Variants in RTEL1 observed in about 807,000 individuals in gnomAD.
RTEL1 encodes the protein regulator of telomere length.
In RTEL1, 86 loss-of-function variants were observed where a neutral mutation model predicts 162.2. The observed-to-expected ratio is 0.53, with a 90% CI of 0.45 to 0.63. RTEL1 has a LOEUF of 0.63. Among genes scored for constraint, RTEL1 ranks in the 30% least tolerant of loss-of-function variants. RTEL1 has a pLI of 0.00. For missense variants in RTEL1, 1,941 were observed against 1,750.2 expected (o/e 1.11, Z -1.95); for synonymous variants, 958 against 717.9 (o/e 1.33, Z -5.35).
rs2090043146 is a variant in RTEL1 at position 63,662,624 on chromosome 20, A to G, written c.474A>G (p.Leu158=). 1 of 1,613,940 alleles carries G rather than the reference A, an allele frequency of 6.2e-7. No individual in the cohort carries two copies. Among genetic ancestry groups the G allele is most frequent in the Non-Finnish European group, 8.5e-7 (1 of 1,179,976 alleles). ...PEVKKQESNH[L]QIHLCRKKVA... ...TGAAGAAACAAGAGAGTAACCATCT[A>G]CAGGTAGGCTCCTGGGCTCCCGCTC... is the stretch of plus-strand genomic sequence containing the variant. Residue 158 remains leucine (L), a synonymous_variant, in exon 5 of 35, where the codon CTA becomes CTG. Coordinates refer to ENST00000360203, the MANE Select transcript of RTEL1 (RefSeq NM_001283009.2).
At chr20:63,675,905 C>T (rs1016563045) in intron 10 of RTEL1, among the ~76,000 whole-genome samples, 2 of 152,290 alleles carry the variant, frequency 1.3e-5, no homozygotes, top group African/African-American at 2.4e-5. Flanking sequence ...AAACATCCAC[C>T]CACCCCCAGG....
chr20:63,696,174 A>C lies in RTEL1; in HGVS notation c.*316A>C, dbSNP rs2145483966. On this transcript the variant is annotated 3_prime_UTR_variant, in exon 35 of 35. Transcript: ENST00000360203. ...GCTGAGCCCCTCACCGGGAAGGAGG[A>C]GACCCCCGTGGGCACGTGTCCACTT... is the stretch of plus-strand genomic sequence containing the variant. 1 of 464,944 alleles carries C rather than the reference A, an allele frequency of 2.2e-6. No homozygotes were observed. The highest frequency in any genetic ancestry group is 3.4e-5 in the South Asian group (1 of 29,620). 28.8% of individuals were successfully genotyped at this position (464,944 alleles called of 1,614,324 possible). A position where few individuals can be genotyped will look rare whatever the true frequency, so the allele number is the denominator to read the frequency against.
intron 16 of RTEL1, chr20:63,687,407 T>A: frequency 1.9e-6 from 1 of 531,052 alleles, no homozygotes; most frequent in Non-Finnish European, 3.3e-6. Flanking sequence ...CTGCCTGGGG[T>A]CTGCCTCCTA....
rs565722682 is a variant in RTEL1 at position 63,661,804 on chromosome 20, C to A, written c.302-46C>A. On this transcript the variant is annotated intron_variant, in intron 3 of 34. Coordinates refer to ENST00000360203, the MANE Select transcript of RTEL1 (RefSeq NM_001283009.2). This position sits in a 1 kb window ranked among gnomAD's most constrained non-coding sequence, Gnocchi z 5.1. Reference sequence around the variant, plus strand: ...GCCACCTGCCTTTGATACGTGAGAACGTTGTCTGAGAACCGTGACTTCTGT... The same window carrying A: ...GCCACCTGCCTTTGATACGTGAGAAAGTTGTCTGAGAACCGTGACTTCTGT... 4 of 1,541,992 alleles carry A rather than the reference C, an allele frequency of 2.6e-6. No homozygotes were observed. The highest frequency in any genetic ancestry group is 1.4e-5 in the African/African-American group (1 of 73,448).
At position 63,670,492 on chromosome 20, in the gene RTEL1, C is replaced by T. The variant is rs141357621; in HGVS notation, c.700-2064C>T. On this transcript the variant is annotated intron_variant, in intron 8 of 34. Transcript: ENST00000360203. Reference sequence around the variant, plus strand: ...GAGCACATGGAAAGTCGCCCAGCATCTCCAGTCATAGGAGAAGGCAGATTA... The same window carrying T: ...GAGCACATGGAAAGTCGCCCAGCATTTCCAGTCATAGGAGAAGGCAGATTA... Among the ~76,000 whole-genome samples, 68 of 148,928 alleles carry T rather than the reference C, an allele frequency of 4.6e-4. 4 individuals carry two copies. Among genetic ancestry groups the T allele is most frequent in the Admixed American group, 3.5e-3 (45 of 12,836 alleles).
In RTEL1 at chr20:63,664,776, G is replaced by A. The variant is rs6122140; in HGVS notation, c.539-1228G>A. Among the ~76,000 whole-genome samples, 188 of 152,332 alleles carry A rather than the reference G, an allele frequency of 1.2e-3. 3 individuals are homozygous for A. In the East Asian group the frequency reaches 0.034, roughly 27 times the overall value. On this transcript the variant is annotated intron_variant, in intron 6 of 34. Transcript: ENST00000360203. ...AGGGGTCTGAGAGGAAGGGAGGCAG[G>A]TATTTTGGGCGAATGAGGAGACAGC... is the stretch of plus-strand genomic sequence containing the variant.
chr20:63,685,086 C>T (rs1298134346), intron 14 of RTEL1, among the ~76,000 whole-genome samples: 1 of 148,674 alleles, frequency 6.7e-6, no homozygotes, highest in South Asian at 2.1e-4. Context: ...TGGGGTTGCA[C>T]CATGTTGCCC....
At chr20:63,684,275 T>C (rs971745991) in intron 14 of RTEL1, among the ~76,000 whole-genome samples, 9 of 152,160 alleles carry the variant, frequency 5.9e-5, no homozygotes, top group Admixed American at 2.0e-4. Context: ...CCAACTCCAC[T>C]GGGCACCTGC....
chr20:63,664,739 T>C (rs2090091152), intron 6 of RTEL1, among the ~76,000 whole-genome samples: 1 of 152,198 alleles, frequency 6.6e-6, no homozygotes. Context: ...CAGAGTGGGC[T>C]GCAGCTCCTG....
rs1262673859 is a variant in RTEL1 at position 63,659,469 on chromosome 20, G to A, written c.67G>A (p.Glu23Lys). 4 of 1,614,154 alleles carry A rather than the reference G, an allele frequency of 2.5e-6. No homozygotes were observed. The highest frequency in any genetic ancestry group is 1.1e-5 in the South Asian group (1 of 91,086). ...TTTCCAGCCCTACAAATGCCAACAG[G>A]AGTACATGACCAAGGTCCTGGAATG... ...FPFQPYKCQQ[E>K]YMTKVLECLQ... Residue 23 changes from glutamate (E) to lysine (K), a missense_variant, in exon 2 of 35, where the codon GAG becomes AAG. Glu to Lys is a moderately conservative substitution (Grantham distance 56). Transcript: ENST00000360203.
rs1057067298 is a variant in RTEL1 at position 63,665,871 on chromosome 20, G to A, written c.539-133G>A. The A allele has an allele frequency of 2.8e-5, 20 of 707,288 alleles. No individual in the cohort carries two copies. The Admixed American group carries it at 4.0e-4, about 14-fold the overall frequency. The allele number at this position is 707,288 out of a possible 1,614,324, so 43.8% of individuals were successfully genotyped here. A position where few individuals can be genotyped will look rare whatever the true frequency, so the allele number is the denominator to read the frequency against. ...TGAGACCCTCAGTGGGTGCTTTGTG[G>A]CGCGTTCACGGTTGGTGGGGGACGC... On this transcript the variant is annotated intron_variant, in intron 6 of 34. Coordinates refer to ENST00000360203, the MANE Select transcript of RTEL1 (RefSeq NM_001283009.2).
rs898321368 is a variant in RTEL1 at position 63,672,753 on chromosome 20, CA to C, written c.765+133del. ...GGTGCCCAGGACTGGGGACTGAGCACACCAGGAGCTTCTGCCACCCCCTCCC... is the reference window on the plus strand; with the variant it reads ...GGTGCCCAGGACTGGGGACTGAGCACCCAGGAGCTTCTGCCACCCCCTCCC... On this transcript the variant is annotated intron_variant, in intron 9 of 34. Transcript: ENST00000360203. 5 of 742,828 alleles carry C rather than the reference CA, an allele frequency of 6.7e-6. No homozygotes were observed. In the African/African-American group the frequency reaches 8.7e-5, roughly 13 times the overall value. 46.0% of individuals were successfully genotyped at this position (742,828 alleles called of 1,614,324 possible).
chr20:63,686,262 A>AG, intron 16 of RTEL1: 1 of 286,902 alleles, frequency 3.5e-6, no homozygotes, highest in Non-Finnish European at 6.8e-6. Context: ...TCACATCTGA[A>AG]GGGGGCCCGG....
rs2090266105 is a variant in RTEL1, at chr20:63,672,567, A to G, written c.711A>G (p.Ala237=). ...TCTTCCTCCTGTAGAGCCGCAGAGC[A>G]CACAACATTGACCTGAAGGGGACAG... ...NYLLDAKSRR[A]HNIDLKGTVV... The change falls in exon 9 of 35, where the codon GCA becomes GCG. Residue 237 remains alanine, a synonymous_variant. Transcript: ENST00000360203. 5 of 1,582,998 alleles carry G rather than the reference A, an allele frequency of 3.2e-6. No homozygotes were observed. The highest frequency in any genetic ancestry group is 2.3e-5 in the East Asian group (1 of 44,044).
Position 63,689,651 on chromosome 20 carries a change from G to A in RTEL1, c.2025+3G>A. ...GCCAGGGTGGGGCTGGGGGCCAGGT[G>A]AGTTACAGCAGGGTGGGGCTGGGGT... On this transcript the variant is annotated splice_donor_region_variant and intron_variant, in intron 23 of 34. Coordinates refer to ENST00000360203, the MANE Select transcript of RTEL1 (RefSeq NM_001283009.2). 1 of 1,608,136 alleles carries A rather than the reference G, an allele frequency of 6.2e-7. No individual in the cohort carries two copies. Among genetic ancestry groups the A allele is most frequent in the Non-Finnish European group, 8.5e-7 (1 of 1,176,574 alleles).
At chr20:63,695,029 TGGG>T in intron 32 of RTEL1, 34 bp from the exon 33 acceptor site, 1 of 1,609,464 alleles carries the variant, frequency 6.2e-7, no homozygotes, top group Non-Finnish European at 8.5e-7. Flanking sequence ...GGGGACAAAA[TGGG>T]GGCTGTGCCG....
intron 30 of RTEL1, 60 bp from the exon 31 acceptor site, chr20:63,694,304 GCCCCCCCA>G: frequency 1.2e-6 from 1 of 813,004 alleles, no homozygotes; most frequent in Non-Finnish European, 2.1e-6. Context: ...AGCCAGCCCT[GCCCCCCCA>G]CCCCAGGGAA....
In RTEL1 at chr20:63,685,532, A is replaced by G; in HGVS notation, c.1201A>G (p.Ser401Gly). 1 of 1,612,502 alleles carries G rather than the reference A, an allele frequency of 6.2e-7. No individual in the cohort carries two copies. Among genetic ancestry groups the G allele is most frequent in the Non-Finnish European group, 8.5e-7 (1 of 1,179,866 alleles). ...TTCCTCTGCCTTTCAGATTGTGTTCAGTGTGGACCCCTCCGAGGGCAGCCC... is the reference window on the plus strand; with the variant it reads ...TTCCTCTGCCTTTCAGATTGTGTTCGGTGTGGACCCCTCCGAGGGCAGCCC... ...KLADIIQIVFSVDPSEGSPGS... is the reference protein window; with the variant it reads ...KLADIIQIVFGVDPSEGSPGS... The change falls in exon 15 of 35, where the codon AGT becomes GGT. Residue 401 changes from serine (S) to glycine (G), a missense_variant. Coordinates refer to ENST00000360203, the MANE Select transcript of RTEL1 (RefSeq NM_001283009.2).
intron 1 of RTEL1, chr20:63,658,720 C>G (rs2089960077): frequency 2.0e-5 from 3 of 152,902 alleles, no homozygotes; most frequent in Admixed American, 1.9e-4. Context: ...TTCTGTTAGT[C>G]CCAGTTCCCG....
Sources: gnomAD v4.1 joint callset for allele counts (sites outside exome capture counted in the v4.1 genomes callset) on GRCh38, gnomAD v4.1.1 for gene constraint, Gnocchi (gnomAD v3.1) non-coding constraint, MANE v1.5 for transcripts, NCBI Gene and HGNC (gene_info 2026-07-23, HGNC 2026-07-21) for gene names.